The following GAS7 variants were observed in gnomAD, a reference collection of about 807,000 sequenced individuals.
The protein encoded by GAS7 is growth arrest specific 7, also known as growth arrest-specific protein 7.
Under a neutral mutation model 71.1 loss-of-function variants are expected in GAS7, and 28 were observed. The ratio of observed to expected loss-of-function variants is 0.39; its 90% CI spans 0.29 to 0.54. The LOEUF is 0.54. Among genes scored for constraint, GAS7 ranks in the 20% least tolerant of loss-of-function variants. GAS7 has a pLI of 0.62. For missense variants in GAS7, 436 were observed against 627.8 expected (o/e 0.69, Z 3.27); for synonymous variants, 258 against 245.8 (o/e 1.05, Z -0.46).
At chr17:10,005,139 GCGCA>G (rs2071438994) in intron 2 of GAS7, among the ~76,000 whole-genome samples, 2 of 38,882 alleles carry the variant, frequency 5.1e-5, no homozygotes, top group Non-Finnish European at 1.2e-4. Flanking sequence ...GCATGTGTGC[GCGCA>G]CGCATGCATG....
At chr17:10,126,882 C>T (rs1239623630) in intron 1 of GAS7, among the ~76,000 whole-genome samples, 1 of 152,154 alleles carries the variant, frequency 6.6e-6, no homozygotes, top group Non-Finnish European at 1.5e-5. Context: ...GCTGTGTGAC[C>T]TTTTTTAACC....
At chr17:10,005,079 A>G (rs1200112865) in intron 2 of GAS7, among the ~76,000 whole-genome samples, 2 of 124,960 alleles carry the variant, frequency 1.6e-5, no homozygotes, top group East Asian at 2.8e-4. Context: ...GCACGCATAC[A>G]TGCGTGTGTG....
At chr17:9,920,674 G>A (rs932765647) in intron 11 of GAS7, among the ~76,000 whole-genome samples, 3 of 152,172 alleles carry the variant, frequency 2.0e-5, no homozygotes, top group African/African-American at 7.2e-5. Context: ...TGTGCACGTG[G>A]CAGGCAGAGC....
intron 2 of GAS7, among the ~76,000 whole-genome samples, chr17:10,015,345 A>G (rs189992196): frequency 2.0e-5 from 3 of 152,338 alleles, no homozygotes; most frequent in African/African-American, 4.8e-5. Flanking sequence ...AAAGGTAGAC[A>G]GACAAAGAGG....
Position 9,919,803 on chromosome 17 carries a change from G to T in GAS7, c.1139-98C>A. ...CACAGCCAAGCCTTCTCCTCCCCCT[G>T]GGGTCATGGTGGCCGCTGGAAAGCT... On this transcript the variant is annotated intron_variant, in intron 11 of 13. Transcript: ENST00000432992. The surrounding 1 kb of genome is among the most constrained non-coding windows in gnomAD (Gnocchi z 5.0). The T allele has an allele frequency of 1.1e-6, 1 of 901,788 alleles. No homozygotes were observed. Among genetic ancestry groups the T allele is most frequent in the Non-Finnish European group, 1.9e-6 (1 of 538,082 alleles). 55.9% of individuals were successfully genotyped at this position (901,788 alleles called of 1,614,324 possible). A position where few individuals can be genotyped will look rare whatever the true frequency, so the allele number is the denominator to read the frequency against.
intron 1 of GAS7, among the ~76,000 whole-genome samples, chr17:10,028,520 A>G (rs954907177): frequency 2.0e-5 from 3 of 152,228 alleles, no homozygotes; most frequent in African/African-American, 7.2e-5. Flanking sequence ...GAAGCCTAGA[A>G]GCCTCAAGAG....
intron 1 of GAS7, among the ~76,000 whole-genome samples, chr17:10,132,274 C>G (rs373085580): frequency 1.3e-5 from 2 of 150,844 alleles, no homozygotes; most frequent in East Asian, 3.9e-4. Context: ...TTTACCTGAT[C>G]TTTGCTCAGG....
intron 2 of GAS7, among the ~76,000 whole-genome samples, chr17:9,985,761 C>T (rs987131050): frequency 2.0e-5 from 3 of 152,196 alleles, no homozygotes; most frequent in South Asian, 2.1e-4. Context: ...AGGGGATCAA[C>T]GGCCCACCAA....
At chr17:10,046,234 T>C (rs904792193) in intron 1 of GAS7, among the ~76,000 whole-genome samples, 4 of 151,950 alleles carry the variant, frequency 2.6e-5, no homozygotes, top group African/African-American at 9.7e-5. Flanking sequence ...CTCTGGGAGA[T>C]TAAGGGCATG....
At chr17:10,020,612 TA>T (rs996913429) in intron 1 of GAS7, among the ~76,000 whole-genome samples, 5 of 148,504 alleles carry the variant, frequency 3.4e-5, no homozygotes, top group Admixed American at 6.7e-5. Flanking sequence ...AGACAGATGC[TA>T]AAAAAAAAAC....
chr17:10,152,536 A>G (rs2074174257), intron 1 of GAS7, among the ~76,000 whole-genome samples: 1 of 152,092 alleles, frequency 6.6e-6, no homozygotes, highest in Non-Finnish European at 1.5e-5. Flanking sequence ...AGACCGAGTG[A>G]CTCATTCAAG....
At position 9,934,152 on chromosome 17, in the gene GAS7, C is replaced by A. The variant is rs1256216844; in HGVS notation, c.885+14G>T. 6.4e-7 allele frequency: 1 copy of A among 1,572,074 alleles called. No homozygotes were observed. Among genetic ancestry groups the A allele is most frequent in the Non-Finnish European group, 8.8e-7 (1 of 1,141,638 alleles). On this transcript the variant is annotated intron_variant, in intron 9 of 13. Transcript: ENST00000432992. ...GTGTAAGACCAACTGAGGGTGGCTG[C>A]AGGGAGGGGTTACCTTGGCAGAGAA... is the stretch of plus-strand genomic sequence containing the variant.
intron 1 of GAS7, among the ~76,000 whole-genome samples, chr17:10,089,676 G>T (rs551166166): frequency 1.3e-5 from 2 of 151,848 alleles, no homozygotes; most frequent in South Asian, 4.1e-4. Context: ...CTCACAGAAG[G>T]AGTAAAAATA....
intron 1 of GAS7, among the ~76,000 whole-genome samples, chr17:10,062,579 TAAAC>T (rs1040247916): frequency 8.5e-5 from 13 of 152,224 alleles, no homozygotes; most frequent in Non-Finnish European, 1.6e-4. Flanking sequence ...AGAGAAAAGT[TAAAC>T]AAACTTTAAA....
intron 1 of GAS7, among the ~76,000 whole-genome samples, chr17:10,074,600 A>C (rs1274849023): frequency 1.3e-5 from 2 of 152,234 alleles, no homozygotes; most frequent in East Asian, 3.8e-4. Context: ...TCAAGAGGAA[A>C]TAGAAAACCT....
intron 2 of GAS7, among the ~76,000 whole-genome samples, chr17:10,014,293 G>A (rs905453616): frequency 2.0e-5 from 3 of 152,194 alleles, no homozygotes; most frequent in Non-Finnish European, 2.9e-5. Flanking sequence ...AGCCACTGCT[G>A]TAGAATTGGT....
intron 6 of GAS7, among the ~76,000 whole-genome samples, chr17:9,944,606 C>T (rs1377074588): frequency 6.6e-6 from 1 of 152,216 alleles, no homozygotes; most frequent in East Asian, 1.9e-4. Flanking sequence ...TGGACACCTT[C>T]CCAGTTCCCC....
At chr17:9,925,373 C>A in intron 11 of GAS7, 103 bp downstream of exon 11, 1 of 1,206,476 alleles carries the variant, frequency 8.3e-7, no homozygotes, top group South Asian at 1.3e-5. Flanking sequence ...TCGCTGCAGT[C>A]TTGCAAAGGA....
intron 1 of GAS7, among the ~76,000 whole-genome samples, chr17:10,046,551 T>C (rs1257758958): frequency 6.6e-6 from 1 of 150,426 alleles, no homozygotes; most frequent in African/African-American, 2.5e-5. Flanking sequence ...GCCTGGCCAA[T>C]ATAGTGAAAC....
Sources: allele counts gnomAD v4.1 joint callset (sites outside exome capture counted in the v4.1 genomes callset), GRCh38; gene constraint gnomAD v4.1.1; non-coding constraint Gnocchi (gnomAD v3.1); transcripts MANE v1.5; gene names NCBI Gene and HGNC (gene_info 2026-07-23, HGNC 2026-07-21).